The following LRRC4C variants were observed in gnomAD, a reference collection of about 807,000 sequenced individuals.
LRRC4C encodes leucine rich repeat containing 4C.
Under a neutral mutation model 33.6 loss-of-function variants are expected in LRRC4C, and 5 were observed. That is an observed-to-expected ratio of 0.15 (90% CI 0.08 to 0.31). The LOEUF is 0.31. Ranked by LOEUF, LRRC4C falls within the 10% of genes least tolerant of loss-of-function variation. The pLI, the probability that LRRC4C is intolerant of heterozygous loss-of-function variation, is 1.00. For missense variants in LRRC4C, 560 were observed against 796.7 expected (o/e 0.70, Z 3.58); for synonymous variants, 329 against 302.0 (o/e 1.09, Z -0.93).
chr11:40,918,063 G>T (rs1957033474), intron 2 of LRRC4C, among the ~76,000 whole-genome samples: 1 of 152,006 alleles, frequency 6.6e-6, no homozygotes. Flanking sequence ...ATGTTGAATA[G>T]GTAAAGATCA....
At chr11:41,260,203 G>A (rs555306844) in intron 1 of LRRC4C, among the ~76,000 whole-genome samples, 3 of 151,990 alleles carry the variant, frequency 2.0e-5, no homozygotes, top group Non-Finnish European at 4.4e-5. Context: ...CCCAAAATAC[G>A]TAATGCAAAG....
At chr11:40,202,463 C>T (rs994867799) in intron 5 of LRRC4C, among the ~76,000 whole-genome samples, 4 of 151,914 alleles carry the variant, frequency 2.6e-5, no homozygotes, top group Non-Finnish European at 5.9e-5. Context: ...CCTCTGTGCC[C>T]AACACATTAT....
At chr11:41,195,771 TA>T (rs1946153357) in intron 1 of LRRC4C, among the ~76,000 whole-genome samples, 1 of 152,146 alleles carries the variant, frequency 6.6e-6, no homozygotes, top group African/African-American at 2.4e-5. Flanking sequence ...AAGTTTTTTT[TA>T]ATCAATAAAT....
At chr11:40,264,997 T>TA (rs1373928808) in intron 4 of LRRC4C, among the ~76,000 whole-genome samples, 3 of 152,200 alleles carry the variant, frequency 2.0e-5, no homozygotes, top group Non-Finnish European at 4.4e-5. Flanking sequence ...CTCTCATATT[T>TA]AAAAAAGCAG....
intron 3 of LRRC4C, among the ~76,000 whole-genome samples, chr11:40,453,771 A>G (rs1952007557): frequency 6.6e-6 from 1 of 152,190 alleles, no homozygotes; most frequent in South Asian, 2.1e-4. Flanking sequence ...TACAGAAAGA[A>G]AGAAAAATAG....
At chr11:41,442,378 TA>T (rs1565676453) in intron 1 of LRRC4C, among the ~76,000 whole-genome samples, 2 of 150,710 alleles carry the variant, frequency 1.3e-5, no homozygotes, top group Non-Finnish European at 3.0e-5. Flanking sequence ...TATGAAAAAA[TA>T]ATGGCAAATT....
At chr11:41,327,497 A>G (rs970187089) in intron 1 of LRRC4C, among the ~76,000 whole-genome samples, 12 of 152,302 alleles carry the variant, frequency 7.9e-5, no homozygotes, top group Non-Finnish European at 1.2e-4. Context: ...AACTTCCCCA[A>G]TGTAGGAAAC....
chr11:40,158,426 A>C (rs1858887288), intron 5 of LRRC4C, among the ~76,000 whole-genome samples: 1 of 152,134 alleles, frequency 6.6e-6, no homozygotes, highest in African/African-American at 2.4e-5. Flanking sequence ...AATTTTAAAA[A>C]TTACATTTAT....
intron 3 of LRRC4C, among the ~76,000 whole-genome samples, chr11:40,589,026 T>A (rs1486301602): frequency 6.6e-6 from 1 of 152,122 alleles, no homozygotes; most frequent in African/African-American, 2.4e-5. Context: ...AATTGCTGGG[T>A]ATCCTTGTTG....
intron 4 of LRRC4C, among the ~76,000 whole-genome samples, chr11:40,273,167 T>C (rs1465179832): frequency 1.3e-5 from 2 of 152,168 alleles, no homozygotes; most frequent in African/African-American, 2.4e-5. Context: ...ACGCAGTATG[T>C]ATCAAAGAGA....
chr11:40,764,676 A>T (rs1949368812), intron 2 of LRRC4C, among the ~76,000 whole-genome samples: 1 of 152,114 alleles, frequency 6.6e-6, no homozygotes, highest in Non-Finnish European at 1.5e-5. Context: ...GTGCAGTCCC[A>T]GTGGTGGTGG....
At chr11:40,876,260 G>GTTTTTTTTTTTTTT (rs34351895) in intron 2 of LRRC4C, among the ~76,000 whole-genome samples, 1 of 91,296 alleles carries the variant, frequency 1.1e-5, no homozygotes, top group Non-Finnish European at 2.0e-5. Context: ...CTCAGTTAGG[G>GTTTTTTTTTTTTTT]TTTTTTTTTT....
intron 1 of LRRC4C, among the ~76,000 whole-genome samples, chr11:41,250,216 G>T (rs1948595609): frequency 6.6e-6 from 1 of 152,042 alleles, no homozygotes; most frequent in Non-Finnish European, 1.5e-5. Flanking sequence ...TGGCACCCAG[G>T]AGCATTTTAA....
chr11:40,409,623 G>A (rs968627402), intron 3 of LRRC4C, among the ~76,000 whole-genome samples: 1 of 151,978 alleles, frequency 6.6e-6, no homozygotes, highest in Non-Finnish European at 1.5e-5. Context: ...CAATAGGTAT[G>A]TATAAAAATG....
intron 3 of LRRC4C, among the ~76,000 whole-genome samples, chr11:40,444,043 T>C (rs1221589136): frequency 2.0e-5 from 3 of 152,206 alleles, no homozygotes; most frequent in Non-Finnish European, 2.9e-5. Context: ...AGAAAATAAT[T>C]TAGGGATGCC....
chr11:40,818,340 TC>T (rs1333711639), intron 2 of LRRC4C, among the ~76,000 whole-genome samples: 1 of 152,068 alleles, frequency 6.6e-6, no homozygotes, highest in Non-Finnish European at 1.5e-5. Flanking sequence ...TTCCCTTCCA[TC>T]TTTATATATC....
At chr11:40,801,969 T>C (rs189242625) in intron 2 of LRRC4C, among the ~76,000 whole-genome samples, 48 of 152,324 alleles carry the variant, frequency 3.2e-4, no homozygotes, top group African/African-American at 1.2e-3. Flanking sequence ...CGGTACATCA[T>C]TTACTGCAGG....
intron 2 of LRRC4C, among the ~76,000 whole-genome samples, chr11:40,708,989 C>T (rs1946322382): frequency 1.3e-5 from 2 of 150,896 alleles, no homozygotes; most frequent in African/African-American, 4.8e-5. Flanking sequence ...CTCTTTCAAT[C>T]TTTAAAGTCT....
rs202145864 is a variant in LRRC4C, at chr11:40,744,845, GTTAAC to G, written c.-406-96572_-406-96568del. On this transcript the variant is annotated intron_variant, in intron 2 of 6. Coordinates refer to ENST00000528697, the MANE Select transcript of LRRC4C (RefSeq NM_001258419.2). ...TACAAAATTTTTTGGAAGGGTTTAA[GTTAAC>G]TTAACTTAAGTTTTCTTATTGAGGG... Among the ~76,000 whole-genome samples, 1,112 of 152,230 alleles carry G rather than the reference GTTAAC, an allele frequency of 7.3e-3. 15 individuals are homozygous for G. Among genetic ancestry groups the G allele is most frequent in the African/African-American group, 0.019 (774 of 41,536 alleles).
Sources: gnomAD v4.1 joint callset for allele counts (sites outside exome capture counted in the v4.1 genomes callset) on GRCh38, gnomAD v4.1.1 for gene constraint, MANE v1.5 for transcripts, NCBI Gene and HGNC (gene_info 2026-07-23, HGNC 2026-07-21) for gene names.